Variants in FCRL4 observed in about 807,000 individuals in gnomAD.
FCRL4 encodes the protein Fc receptor like 4, also known as Fc receptor-like protein 4.
A neutral mutation model predicts 64.1 loss-of-function variants in FCRL4; 43 were observed. That is an observed-to-expected ratio of 0.67 (90% confidence interval 0.53 to 0.87). The LOEUF (loss-of-function observed/expected upper bound fraction) is 0.87, where lower values mean the gene tolerates loss of function less well. Ranked by LOEUF, FCRL4 falls within the 40% of genes least tolerant of loss-of-function variation. FCRL4 has a pLI of 0.00. For missense variants in FCRL4, 656 were observed against 613.5 expected, an observed-to-expected ratio of 1.07 and a Z score of -0.73; for synonymous variants, 253 against 239.8, an observed-to-expected ratio of 1.05 and a Z score of -0.51.
At chr1:157,579,207 A>G (rs1205418631) in intron 8 of FCRL4, among the ~76,000 whole-genome samples, 1 of 152,178 alleles carries the variant, frequency 6.6e-6, no homozygotes, top group Non-Finnish European at 1.5e-5. Flanking sequence ...GTCTCTACAC[A>G]GAATAAAATA....
At chr1:157,596,875 G>GA (rs1380855245) in intron 1 of FCRL4, among the ~76,000 whole-genome samples, 7 of 152,160 alleles carry the variant, frequency 4.6e-5, no homozygotes, top group Non-Finnish European at 2.9e-5. Flanking sequence ...TCAGGGACAA[G>GA]ACCAACATCT....
rs2758680 is a variant in FCRL4 at position 157,573,956 on chromosome 1, C to A, written c.*1568G>T. ...AGTCAGGATCCAAACAAGACCCACACATTCCTTTTGGTCGACATGTCTCGT... is the reference window on the plus strand; with the variant it reads ...AGTCAGGATCCAAACAAGACCCACAAATTCCTTTTGGTCGACATGTCTCGT... On this transcript the variant is annotated 3_prime_UTR_variant, in exon 12 of 12. Transcript: ENST00000271532. 5.1e-6 allele frequency: 1 copy of A among 197,892 alleles called. No homozygotes were observed. The highest frequency in any genetic ancestry group is 2.3e-5 in the African/African-American group (1 of 43,284). The allele number at this position is 197,892 out of a possible 1,614,324, so 12.3% of individuals were successfully genotyped here.
chr1:157,583,647 A>C (rs1024152890), intron 6 of FCRL4, among the ~76,000 whole-genome samples: 3 of 152,200 alleles, frequency 2.0e-5, no homozygotes, highest in Non-Finnish European at 4.4e-5. Flanking sequence ...AAATTATATT[A>C]GTGCACTAAT....
chr1:157,589,137 A>G, intron 3 of FCRL4, 67 bp downstream of exon 3: 1 of 1,541,340 alleles, frequency 6.5e-7, no homozygotes, highest in East Asian at 2.3e-5. Context: ...AGTTCGTGGA[A>G]TCTCCAGGGA....
At chr1:157,577,384 A>C (rs1652439591) in intron 10 of FCRL4, among the ~76,000 whole-genome samples, 1 of 152,186 alleles carries the variant, frequency 6.6e-6, no homozygotes, top group South Asian at 2.1e-4. Flanking sequence ...GGGTCTTGAA[A>C]TGGGGTCTGA....
chr1:157,594,029 A>G (rs1005571346), intron 2 of FCRL4, among the ~76,000 whole-genome samples: 28 of 152,340 alleles, frequency 1.8e-4, no homozygotes, highest in African/African-American at 6.7e-4. Flanking sequence ...TAAACTCGGT[A>G]AAAGTTATGT....
intron 7 of FCRL4, among the ~76,000 whole-genome samples, chr1:157,581,317 A>G (rs1366840632): frequency 6.6e-6 from 1 of 152,208 alleles, no homozygotes; most frequent in African/African-American, 2.4e-5. Context: ...AGACTTAGCC[A>G]ATCAGACTAG....
At chr1:157,581,390 G>A (rs548797961) in intron 7 of FCRL4, 141 bp downstream of exon 7, 271 of 648,582 alleles carry the variant, frequency 4.2e-4, no homozygotes, top group Admixed American at 7.8e-4. Context: ...AGGGACGGAC[G>A]TGAGTGTGTG....
chr1:157,575,033 C>T lies in FCRL4; in HGVS notation c.*491G>A, dbSNP rs1334554581. On this transcript the variant is annotated 3_prime_UTR_variant, in exon 12 of 12. Transcript: ENST00000271532. Reference sequence around the variant, plus strand: ...AGCTGTGCAGGCAGAAGTGAAGGGGCTTTTCATTGTTTGCACAGTGCCTGT... The same window carrying T: ...AGCTGTGCAGGCAGAAGTGAAGGGGTTTTTCATTGTTTGCACAGTGCCTGT... The T allele has an allele frequency of 4.2e-5, 10 of 235,496 alleles. No individual in the cohort carries two copies. In the East Asian group the frequency reaches 6.3e-4, roughly 15 times the overall value. 14.6% of individuals were successfully genotyped at this position (235,496 alleles called of 1,614,324 possible). A position where few individuals can be genotyped will look rare whatever the true frequency, so the allele number is the denominator to read the frequency against.
chr1:157,586,297 T>G lies in FCRL4; in HGVS notation c.1006A>C (p.Thr336Pro), dbSNP rs1479207748. The change falls in exon 6 of 12, where the codon ACT (threonine) becomes CCT (proline). Residue 336 changes from threonine (T) to proline (P), a missense_variant. By Grantham distance (38) the Thr-to-Pro change is conservative (BLOSUM62 -1). Transcript: ENST00000271532. The stretch of plus-strand genomic sequence containing the variant: ...AGCTCTGCTCTCAGGGAACGCTGAG[T>G]TTTCCTCCCCAGACTCTCCTGCATG... ...EDMQESLGRKTQRSLRAELEL... is the reference protein window; with the variant it reads ...EDMQESLGRKPQRSLRAELEL... 1.2e-6 allele frequency: 2 copies of G among 1,613,468 alleles called. No homozygotes were observed. The highest frequency in any genetic ancestry group is 1.7e-6 in the Non-Finnish European group (2 of 1,179,898).
Position 157,582,908 on chromosome 1 carries a change from G to C in FCRL4, c.1136-1264C>G, listed in dbSNP as rs115120186. Among the ~76,000 whole-genome samples the C allele has an allele frequency of 5.8e-4, 89 of 152,294 alleles. 1 individual carries two copies. Among genetic ancestry groups the C allele is most frequent in the Middle Eastern group, 3.4e-3 (1 of 294 alleles). On this transcript the variant is annotated intron_variant, in intron 6 of 11. Transcript: ENST00000271532. ...CCCATTGCCTGCTGGGGCATCCGCCGGTGCAAAATCAGAATCAGCCACACC... is the reference window on the plus strand; with the variant it reads ...CCCATTGCCTGCTGGGGCATCCGCCCGTGCAAAATCAGAATCAGCCACACC...
rs145822858 is a variant in FCRL4, at chr1:157,590,267, GT to G, written c.53-810del. 3.5e-3 allele frequency among the ~76,000 whole-genome samples: 538 copies of G among 151,908 alleles called. 2 individuals are homozygous for G. The highest frequency in any genetic ancestry group is 0.013 in the African/African-American group (519 of 41,434). On this transcript the variant is annotated intron_variant, in intron 2 of 11. Coordinates refer to ENST00000271532, the MANE Select transcript of FCRL4 (RefSeq NM_031282.3). ...GGAACAGAAGGGTTTTAGAGTTTGA[GT>G]TTTTTTTCAGAGTTTGGAACATACG... is the stretch of plus-strand genomic sequence containing the variant.
At position 157,578,815 on chromosome 1, in the gene FCRL4, A is replaced by G. The variant is rs1322404010; in HGVS notation, c.1315T>C (p.Ser439Pro). 1 of 1,613,884 alleles carries G rather than the reference A, an allele frequency of 6.2e-7. No homozygotes were observed. Among genetic ancestry groups the G allele is most frequent in the Non-Finnish European group, 8.5e-7 (1 of 1,179,894 alleles). Residue 439 changes from serine (S) to proline (P), a missense_variant, in exon 9 of 12, where the codon TCC becomes CCC. Ser to Pro is a moderately conservative substitution (Grantham distance 74). Transcript: ENST00000271532. Reference sequence around the variant, plus strand: ...AGCTCCACCTGGGCAGGGCAGATGGAATGGGAGGACTCTCCTGGGCCTGGA... The same window carrying G: ...AGCTCCACCTGGGCAGGGCAGATGGGATGGGAGGACTCTCCTGGGCCTGGA... The part of the protein sequence containing the change: ...PAPGPGESSH[S>P]ICPAQVELQS...
rs1479507748 is a variant in FCRL4, at chr1:157,578,534, T to TG, written c.1368dup (p.Lys457GlnfsTer9). On this transcript the variant is annotated frameshift_variant, in exon 10 of 12. Coordinates refer to ENST00000271532, the MANE Select transcript of FCRL4 (RefSeq NM_031282.3). LOFTEE classifies it high-confidence loss of function. ...TCAGAGTATACCAAATCTCCCTTTT[T>TG]GGGGTGTACTGGAAAGAAAAGACAT... The TG allele has an allele frequency of 1.9e-6, 3 of 1,613,682 alleles. No individual in the cohort carries two copies. The African/African-American group carries it at 4.0e-5, about 22-fold the overall frequency.
chr1:157,587,826 G>A (rs747081084), intron 4 of FCRL4, 39 bp downstream of exon 4: 1 of 1,564,834 alleles, frequency 6.4e-7, no homozygotes, highest in East Asian at 2.2e-5. Flanking sequence ...TCCTATCCCT[G>A]TCATTACTAA....
intron 6 of FCRL4, among the ~76,000 whole-genome samples, chr1:157,585,094 C>T (rs554056693): frequency 9.2e-5 from 14 of 152,186 alleles, no homozygotes; most frequent in Admixed American, 2.6e-4. Flanking sequence ...TGGAGTGAGG[C>T]AAGCCTGGTG....
Position 157,574,664 on chromosome 1 carries a change from A to G in FCRL4, c.*860T>C, listed in dbSNP as rs140457338. 7.4e-4 allele frequency: 156 copies of G among 211,138 alleles called. 1 individual carries two copies. The highest frequency in any genetic ancestry group is 3.4e-3 in the African/African-American group (149 of 44,286). The allele number at this position is 211,138 out of a possible 1,614,324, so 13.1% of individuals were successfully genotyped here. ...ATTTAGAGAATAAAACCTCTCTGCA[A>G]GGAGTGCTTATTGCTAAGGGGTTGG... On this transcript the variant is annotated 3_prime_UTR_variant, in exon 12 of 12. Coordinates refer to ENST00000271532, the MANE Select transcript of FCRL4 (RefSeq NM_031282.3).
rs147732343 is a variant in FCRL4, at chr1:157,591,200, C to T, written c.53-1742G>A. On this transcript the variant is annotated intron_variant, in intron 2 of 11. Coordinates refer to ENST00000271532, the MANE Select transcript of FCRL4 (RefSeq NM_031282.3). ...GGGTCTGTTCAGGTGTGGTTACACC[C>T]GTCAGTCTTCTTTCCTAAAGTAGAG... Among the ~76,000 whole-genome samples, 295 of 152,270 alleles carry T rather than the reference C, an allele frequency of 1.9e-3. 1 individual carries two copies. Among genetic ancestry groups the T allele is most frequent in the African/African-American group, 6.9e-3 (285 of 41,560 alleles).
At chr1:157,585,083 G>A (rs1652642675) in intron 6 of FCRL4, among the ~76,000 whole-genome samples, 1 of 152,116 alleles carries the variant, frequency 6.6e-6, no homozygotes, top group Non-Finnish European at 1.5e-5. Flanking sequence ...AGTAATTTTG[G>A]TGGAGTGAGG....
Sources: allele counts gnomAD v4.1 joint callset (sites outside exome capture counted in the v4.1 genomes callset), GRCh38; gene constraint gnomAD v4.1.1; transcripts MANE v1.5; gene names NCBI Gene and HGNC (gene_info 2026-07-23, HGNC 2026-07-21).